The following EYS variants were observed in gnomAD, a reference collection of about 807,000 sequenced individuals.
EYS encodes the protein EGF-like photoreceptor maintenance factor.
EYS carries 250 observed loss-of-function variants against 282.1 expected under a neutral mutation model. The observed-to-expected ratio is 0.89, with a 90% confidence interval of 0.80 to 0.98. The LOEUF is 0.98. Ranked by LOEUF, EYS falls within the 50% of genes least tolerant of loss-of-function variation. The pLI, the probability that EYS is intolerant of heterozygous loss-of-function variation, is 0.00. For missense variants in EYS, 4,016 were observed against 3,709.0 expected (o/e 1.08, Z -2.15); for synonymous variants, 1,355 against 1,282.9 (o/e 1.06, Z -1.20).
chr6:65,164,662 A>G (rs929226546), intron 12 of EYS, among the ~76,000 whole-genome samples: 4 of 151,346 alleles, frequency 2.6e-5, no homozygotes, highest in Admixed American at 1.3e-4. Flanking sequence ...ATAACAAAAC[A>G]TTACAAACTG....
intron 9 of EYS, among the ~76,000 whole-genome samples, chr6:65,345,495 T>C (rs930027581): frequency 6.6e-6 from 1 of 151,786 alleles, no homozygotes; most frequent in South Asian, 2.1e-4. Context: ...TAGAAGGCCA[T>C]ATATTTCAAG....
intron 19 of EYS, among the ~76,000 whole-genome samples, chr6:64,875,745 T>A (rs942688177): frequency 6.6e-6 from 1 of 152,152 alleles, no homozygotes; most frequent in Non-Finnish European, 1.5e-5. Context: ...TGTTCTTACA[T>A]AATTTGTTCT....
At chr6:65,618,352 T>A (rs1244429421) in intron 2 of EYS, among the ~76,000 whole-genome samples, 1 of 152,272 alleles carries the variant, frequency 6.6e-6, no homozygotes, top group Non-Finnish European at 1.5e-5. Flanking sequence ...GAATGTCTTC[T>A]TTTGAGAAGT....
intron 33 of EYS, among the ~76,000 whole-genome samples, chr6:64,064,228 GT>G (rs953093117): frequency 4.6e-5 from 7 of 150,960 alleles, no homozygotes; most frequent in African/African-American, 7.3e-5. Context: ...ATAAGAATTA[GT>G]TTTTTTTTCT....
At position 65,443,319 on chromosome 6, in the gene EYS, C is replaced by A. The variant is rs565836242; in HGVS notation, c.863-37952G>T. 9.7e-3 allele frequency among the ~76,000 whole-genome samples: 957 copies of A among 98,504 alleles called. 187 individuals are homozygous for A. The highest frequency in any genetic ancestry group is 0.059 in the South Asian group (179 of 3,032). The allele number at this position is 98,504 out of a possible 152,430, so 64.6% of individuals were successfully genotyped here. A position where few individuals can be genotyped will look rare whatever the true frequency, so the allele number is the denominator to read the frequency against. ...GCATACATGTGTGTACACATATAGA[C>A]ATATATGCATACATGTATGTACACA... On this transcript the variant is annotated intron_variant, in intron 5 of 42. Coordinates refer to ENST00000503581, the MANE Select transcript of EYS (RefSeq NM_001142800.2).
chr6:65,573,210 C>T (rs1181583677), intron 2 of EYS, among the ~76,000 whole-genome samples: 2 of 152,086 alleles, frequency 1.3e-5, no homozygotes, highest in African/African-American at 2.4e-5. Flanking sequence ...GGCTCAAGAG[C>T]TCATTAATGA....
chr6:64,757,586 A>G (rs116727504), intron 22 of EYS, among the ~76,000 whole-genome samples: 238 of 152,240 alleles, frequency 1.6e-3, no homozygotes, highest in African/African-American at 5.5e-3. Flanking sequence ...TGCTTAACCA[A>G]TGGTTTTATC....
At chr6:64,702,279 T>C (rs1770819295) in intron 22 of EYS, among the ~76,000 whole-genome samples, 1 of 152,078 alleles carries the variant, frequency 6.6e-6, no homozygotes, top group African/African-American at 2.4e-5. Context: ...GAACAGAGCC[T>C]ACCAGTATCA....
At chr6:64,145,644 T>C (rs560190763) in intron 31 of EYS, among the ~76,000 whole-genome samples, 1 of 152,322 alleles carries the variant, frequency 6.6e-6, no homozygotes, top group East Asian at 1.9e-4. Context: ...ACCTTATCTT[T>C]TTTTCTTTAC....
chr6:64,338,493 A>G (rs778139189), intron 29 of EYS, among the ~76,000 whole-genome samples: 1 of 152,044 alleles, frequency 6.6e-6, no homozygotes, highest in Non-Finnish European at 1.5e-5. Context: ...ACACAAACAA[A>G]TGGAAATGCA....
At chr6:65,012,320 G>A (rs563206690) in intron 13 of EYS, among the ~76,000 whole-genome samples, 2 of 152,148 alleles carry the variant, frequency 1.3e-5, no homozygotes, top group Non-Finnish European at 2.9e-5. Flanking sequence ...ATTATTATTT[G>A]AGTGTCAGTT....
chr6:64,584,422 T>C (rs1173224632), intron 26 of EYS, among the ~76,000 whole-genome samples: 1 of 151,566 alleles, frequency 6.6e-6, no homozygotes, highest in African/African-American at 2.4e-5. Flanking sequence ...ATATTTAATA[T>C]ATCAGTAATA....
At chr6:64,544,076 T>C (rs915381337) in intron 26 of EYS, among the ~76,000 whole-genome samples, 4 of 152,204 alleles carry the variant, frequency 2.6e-5, no homozygotes, top group Non-Finnish European at 5.9e-5. Context: ...TAAAATACTG[T>C]TAACTCCAAT....
intron 31 of EYS, among the ~76,000 whole-genome samples, chr6:64,107,929 A>G (rs1020074349): frequency 6.6e-6 from 1 of 151,954 alleles, no homozygotes; most frequent in Non-Finnish European, 1.5e-5. Flanking sequence ...GTGGGAAAGG[A>G]TAGTTGGAGT....
At chr6:65,577,307 A>G (rs1764707474) in intron 2 of EYS, among the ~76,000 whole-genome samples, 1 of 151,886 alleles carries the variant, frequency 6.6e-6, no homozygotes, top group South Asian at 2.1e-4. Flanking sequence ...TATTTTTGAC[A>G]AAATTTCCAA....
chr6:63,770,499 T>C (rs1004658987), intron 40 of EYS, among the ~76,000 whole-genome samples: 2 of 152,096 alleles, frequency 1.3e-5, no homozygotes, highest in Non-Finnish European at 2.9e-5. Flanking sequence ...ATGAATAATA[T>C]AATAAACGCA....
At chr6:64,199,291 C>T (rs999329473) in intron 31 of EYS, among the ~76,000 whole-genome samples, 5 of 152,144 alleles carry the variant, frequency 3.3e-5, no homozygotes, top group African/African-American at 1.2e-4. Context: ...ACATCTACAA[C>T]AATTTGATTT....
chr6:64,474,414 C>G (rs1776205957), intron 26 of EYS, among the ~76,000 whole-genome samples: 1 of 152,128 alleles, frequency 6.6e-6, no homozygotes, highest in African/African-American at 2.4e-5. Context: ...AGCATAAACT[C>G]AACCTTTATT....
intron 8 of EYS, among the ~76,000 whole-genome samples, chr6:65,372,530 A>G (rs1765197630): frequency 6.6e-6 from 1 of 152,046 alleles, no homozygotes; most frequent in African/African-American, 2.4e-5. Context: ...TTATTTATAT[A>G]AACATGAAAA....
Sources: gnomAD v4.1 joint callset for allele counts (sites outside exome capture counted in the v4.1 genomes callset) on GRCh38, gnomAD v4.1.1 for gene constraint, MANE v1.5 for transcripts, NCBI Gene and HGNC (gene_info 2026-07-23, HGNC 2026-07-21) for gene names.